EMC3: variants seen among roughly 807,000 people sequenced by gnomAD.
EMC3 encodes ER membrane protein complex subunit 3.
EMC3 carries 13 observed loss-of-function variants against 36.6 expected under a neutral mutation model. That is an observed-to-expected ratio of 0.35 (90% CI 0.23 to 0.56). EMC3 has a LOEUF of 0.56. Ranked by LOEUF, EMC3 falls within the 20% of genes least tolerant of loss-of-function variation. The pLI is 0.84. For missense variants in EMC3, 220 were observed against 324.5 expected (o/e 0.68, Z 2.47); for synonymous variants, 120 against 111.9 (o/e 1.07, Z -0.46).
rs61596273 is a variant in EMC3 at position 9,963,477 on chromosome 3, A to ATATATATATATATTTT, written c.*591_*592insAAAATATATATATATA. The ATATATATATATATTTT allele has an allele frequency of 9.0e-5, 8 of 88,924 alleles. No individual in the cohort carries two copies. In the East Asian group the frequency reaches 1.2e-3, roughly 14 times the overall value. 5.5% of individuals were successfully genotyped at this position (88,924 alleles called of 1,614,324 possible). On this transcript the variant is annotated 3_prime_UTR_variant, in exon 8 of 8. Coordinates refer to ENST00000245046, the MANE Select transcript of EMC3 (RefSeq NM_001394674.1). ...TAGATATATATATATATATATATAT[A>ATATATATATATATTTT]TTTTTTTTTTTTTTTCAGATGGAGT...
At chr3:9,966,604 T>C (rs540025553) in intron 7 of EMC3, among the ~76,000 whole-genome samples, 2 of 151,700 alleles carry the variant, frequency 1.3e-5, no homozygotes, top group Non-Finnish European at 2.9e-5. Flanking sequence ...TGGCGCCATC[T>C]TGGCTCACTG....
At chr3:9,978,137 CCT>C (rs1445426000) in intron 1 of EMC3, 1 of 89,998 alleles carries the variant, frequency 1.1e-5, no homozygotes, top group East Asian at 3.9e-4. Flanking sequence ...ATAGCAAGAC[CCT>C]GTCTCTAAAA....
chr3:9,981,895 T>C (rs1205082972), intron 1 of EMC3: 1 of 293,436 alleles, frequency 3.4e-6, no homozygotes, highest in African/African-American at 2.3e-5. Flanking sequence ...AAACCTAGTC[T>C]AATATATTTC....
intron 4 of EMC3, 55 bp downstream of exon 4, chr3:9,974,329 C>T: frequency 2.5e-6 from 3 of 1,184,418 alleles, no homozygotes; most frequent in Admixed American, 1.7e-5. Flanking sequence ...ATTAGTGTCT[C>T]ACTAGCACTT....
chr3:9,985,037 A>G (rs2085955137), intron 1 of EMC3, among the ~76,000 whole-genome samples: 1 of 152,250 alleles, frequency 6.6e-6, no homozygotes, highest in Non-Finnish European at 1.5e-5. Flanking sequence ...TCTTGGCATA[A>G]TTGGGAAGAA....
chr3:9,994,299 G>T, intron 1 of EMC3: 1 of 1,037,506 alleles, frequency 9.6e-7, no homozygotes, highest in Non-Finnish European at 1.5e-6. Flanking sequence ...ATGTGTTTAT[G>T]TTTTTTGACA....
intron 7 of EMC3, among the ~76,000 whole-genome samples, chr3:9,965,424 A>C (rs1376382364): frequency 3.6e-5 from 5 of 137,264 alleles, no homozygotes; most frequent in African/African-American, 1.3e-4. Flanking sequence ...CTCGATAGAT[A>C]GATAGATAGA....
rs2085713041 is a variant in EMC3, at chr3:9,963,979, CT to C, written c.*89del. On this transcript the variant is annotated 3_prime_UTR_variant, in exon 8 of 8. Coordinates refer to ENST00000245046, the MANE Select transcript of EMC3 (RefSeq NM_001394674.1). ...CATGCCTGCCAGCTCGTGCATCCTCCTTTTTATTTCAAGAGGTGCCAGCTCC... is the reference window on the plus strand; with the variant it reads ...CATGCCTGCCAGCTCGTGCATCCTCCTTTTATTTCAAGAGGTGCCAGCTCC... The C allele has an allele frequency of 1.3e-6, 2 of 1,563,824 alleles. No homozygotes were observed. Among genetic ancestry groups the C allele is most frequent in the Non-Finnish European group, 1.7e-6 (2 of 1,154,996 alleles).
intron 4 of EMC3, among the ~76,000 whole-genome samples, chr3:9,973,948 C>A (rs1324186548): frequency 6.6e-6 from 1 of 152,036 alleles, no homozygotes; most frequent in Non-Finnish European, 1.5e-5. Context: ...TGAGCTGTGA[C>A]CTGAAATTTG....
chr3:9,988,357 C>T (rs957147317), upstream of EMC3: 62 of 1,065,426 alleles, frequency 5.8e-5, no homozygotes, highest in Non-Finnish European at 8.8e-5. Flanking sequence ...TTTTTTTCCT[C>T]TCTGCTACTT....
At position 9,974,857 on chromosome 3, in the gene EMC3, G is replaced by GTTT. The variant is rs71307728; in HGVS notation, c.308-372_308-370dup. Reference sequence around the variant, plus strand: ...ACAGGCGGGAGCCACCGCACCCAGCGTTTTTTTTTTTTTTTTTTTTTGAGA... The same window carrying GTTT: ...ACAGGCGGGAGCCACCGCACCCAGCGTTTTTTTTTTTTTTTTTTTTTTTTGAGA... On this transcript the variant is annotated intron_variant, in intron 3 of 7. Coordinates refer to ENST00000245046, the MANE Select transcript of EMC3 (RefSeq NM_001394674.1). Among the ~76,000 whole-genome samples, 139 of 63,420 alleles carry GTTT rather than the reference G, an allele frequency of 2.2e-3. 8 individuals are homozygous for GTTT. The highest frequency in any genetic ancestry group is 4.2e-3 in the African/African-American group (61 of 14,408). 41.6% of individuals were successfully genotyped at this position (63,420 alleles called of 152,430 possible).
At chr3:9,977,566 T>C in intron 1 of EMC3, 120 bp from the exon 2 acceptor site, 1 of 757,604 alleles carries the variant, frequency 1.3e-6, no homozygotes, top group South Asian at 2.0e-5. Flanking sequence ...CAGCTCTGTG[T>C]GGAAACTTCC....
At chr3:9,986,854 T>G (rs559753127), upstream of EMC3, 1 of 1,379,258 alleles carries the variant, frequency 7.3e-7, no homozygotes, top group Admixed American at 3.0e-5. Context: ...GGCGCGAACG[T>G]TGACGTCACG....
intron 1 of EMC3, among the ~76,000 whole-genome samples, chr3:9,997,090 C>T (rs990701689): frequency 2.6e-5 from 4 of 152,156 alleles, no homozygotes; most frequent in African/African-American, 9.7e-5. Flanking sequence ...TTGCCATCTT[C>T]CTCTCCCCAG....
chr3:9,975,506 TA>T (rs34914002), intron 3 of EMC3, among the ~76,000 whole-genome samples: 4,527 of 134,476 alleles, frequency 0.034, 184 homozygotes, highest in African/African-American at 0.099. Context: ...CTTACTGGGC[TA>T]AAAAAAAAAA....
chr3:9,973,560 A>G, intron 5 of EMC3, 68 bp downstream of exon 5: 1 of 1,434,354 alleles, frequency 7.0e-7, no homozygotes, highest in South Asian at 1.1e-5. Context: ...CATGGGCTCA[A>G]GTGATCCTCC....
chr3:9,983,569 G>C lies in EMC3; in HGVS notation c.155+2938C>G, dbSNP rs573173088. On this transcript the variant is annotated intron_variant, in intron 1 of 7. Coordinates refer to ENST00000245046, the MANE Select transcript of EMC3 (RefSeq NM_001394674.1). Reference sequence around the variant, plus strand: ...TGCCGCTAATCGCAGCCACTCGAGAGGTTGAGGCAGGAGAATCACTTCAGC... The same window carrying C: ...TGCCGCTAATCGCAGCCACTCGAGACGTTGAGGCAGGAGAATCACTTCAGC... Among the ~76,000 whole-genome samples the C allele has an allele frequency of 4.6e-5, 7 of 152,192 alleles. No individual in the cohort carries two copies. In the South Asian group the frequency reaches 1.2e-3, roughly 27 times the overall value.
chr3:10,002,929 G>A (rs762296115), intron 1 of EMC3: 3 of 450,070 alleles, frequency 6.7e-6, no homozygotes, highest in South Asian at 4.7e-5. Context: ...TAGCAGTGGT[G>A]GAGTCCCAGA....
chr3:9,968,370 T>A (rs2085752557), intron 7 of EMC3, among the ~76,000 whole-genome samples: 1 of 152,272 alleles, frequency 6.6e-6, no homozygotes, highest in South Asian at 2.1e-4. Context: ...CTCTGTTAGT[T>A]TTCTTGTGGA....
Sources: allele counts gnomAD v4.1 joint callset (sites outside exome capture counted in the v4.1 genomes callset), GRCh38; gene constraint gnomAD v4.1.1; transcripts MANE v1.5; gene names NCBI Gene and HGNC (gene_info 2026-07-23, HGNC 2026-07-21).